MYO7B: variants seen among roughly 807,000 people sequenced by gnomAD.
The protein encoded by MYO7B is myosin VIIB.
A neutral mutation model predicts 259.7 loss-of-function variants in MYO7B; 212 were observed. The observed-to-expected ratio is 0.82, with a 90% CI of 0.73 to 0.91. MYO7B has a LOEUF of 0.91. Among genes scored for constraint, MYO7B ranks in the 40% least tolerant of loss-of-function variants. The pLI is 0.00. For synonymous variants in MYO7B, 1,197 were observed against 1,166.4 expected (o/e 1.03, Z -0.54); for missense variants, 2,732 against 2,813.5 (o/e 0.97, Z 0.66).
intron 6 of MYO7B, among the ~76,000 whole-genome samples, chr2:127,571,554 C>A (rs938690792): frequency 6.6e-6 from 1 of 150,576 alleles, no homozygotes; most frequent in African/African-American, 2.4e-5. Flanking sequence ...GATCTCGGCT[C>A]ACTGCAACCT....
At chr2:127,629,201 G>A (rs1014398250) in intron 34 of MYO7B, among the ~76,000 whole-genome samples, 18 of 152,302 alleles carry the variant, frequency 1.2e-4, no homozygotes, top group East Asian at 3.9e-4. Flanking sequence ...AATGTCAGCC[G>A]AGATGTGCTG....
Position 127,607,506 on chromosome 2 carries a change from G to A in MYO7B, c.2643+82G>A. ...AGGGCAAGAAGGAGTGAGCGGCTGT[G>A]TAGAGAGCTCACCAGAAGCGCTTTG... On this transcript the variant is annotated intron_variant, in intron 21 of 47. Coordinates refer to ENST00000409816, the MANE Select transcript of MYO7B (RefSeq NM_001393586.1). The surrounding 1 kb of genome is among the most constrained non-coding windows in gnomAD (Gnocchi z 4.4). The A allele has an allele frequency of 1.6e-6, 2 of 1,251,932 alleles. No homozygotes were observed. The highest frequency in any genetic ancestry group is 2.2e-6 in the Non-Finnish European group (2 of 900,368). 77.6% of individuals were successfully genotyped at this position (1,251,932 alleles called of 1,614,324 possible). A position where few individuals can be genotyped will look rare whatever the true frequency, so the allele number is the denominator to read the frequency against.
At position 127,607,319 on chromosome 2, in the gene MYO7B, C is replaced by T. The variant is rs754671915; in HGVS notation, c.2538C>T (p.Tyr846=). ...AGCTGCAGGCCCTGTGCAGGGGATACCTGGTGCGCCAGCAAGTCCAGGCCA... is the reference window on the plus strand; with the variant it reads ...AGCTGCAGGCCCTGTGCAGGGGATATCTGGTGCGCCAGCAAGTCCAGGCCA... The part of the protein sequence containing the change: ...TVQLQALCRG[Y]LVRQQVQAKR... The change falls in exon 21 of 48, where the codon TAC becomes TAT. Residue 846 remains tyrosine, a synonymous_variant. Transcript: ENST00000409816. The surrounding 1 kb of genome is among the most constrained non-coding windows in gnomAD (Gnocchi z 4.4). 12 of 1,551,412 alleles carry T rather than the reference C, an allele frequency of 7.7e-6. No individual in the cohort carries two copies. The highest frequency in any genetic ancestry group is 7.8e-6 in the Non-Finnish European group (9 of 1,146,898).
At chr2:127,624,763 G>A (rs933868667) in intron 30 of MYO7B, among the ~76,000 whole-genome samples, 2 of 152,228 alleles carry the variant, frequency 1.3e-5, no homozygotes, top group Non-Finnish European at 2.9e-5. Context: ...CGTGCGGAGT[G>A]TACCGGGAGC....
intron 1 of MYO7B, among the ~76,000 whole-genome samples, chr2:127,538,196 A>G (rs1306466241): frequency 6.6e-6 from 1 of 152,142 alleles, no homozygotes; most frequent in East Asian, 1.9e-4. Context: ...GGTAGCTGCA[A>G]AGATACAGAG....
At chr2:127,588,308 A>G in intron 14 of MYO7B, 84 bp from the exon 15 acceptor site, 1 of 1,495,836 alleles carries the variant, frequency 6.7e-7, no homozygotes, top group Non-Finnish European at 9.1e-7. Flanking sequence ...CGCATCCTGT[A>G]TTCCCCCACA....
rs1288801729 is a variant in MYO7B at position 127,546,801 on chromosome 2, C to T, written c.-24+10970C>T. On this transcript the variant is annotated intron_variant, in intron 1 of 47. Coordinates refer to ENST00000409816, the MANE Select transcript of MYO7B (RefSeq NM_001393586.1). This position sits in a 1 kb window ranked among gnomAD's most constrained non-coding sequence, Gnocchi z 4.2. Reference sequence around the variant, plus strand: ...CCATCCATCCATCCATCCATCCATCCATCAATCCATTCATCTGTTTGTTCA... The same window carrying T: ...CCATCCATCCATCCATCCATCCATCTATCAATCCATTCATCTGTTTGTTCA... 1.3e-5 allele frequency among the ~76,000 whole-genome samples: 2 copies of T among 149,158 alleles called. No individual in the cohort carries two copies. The highest frequency in any genetic ancestry group is 3.0e-5 in the Non-Finnish European group (2 of 66,802).
In MYO7B at chr2:127,564,236, C is replaced by T; in HGVS notation, c.102C>T (p.Gly34=). 6.3e-7 allele frequency: 1 copy of T among 1,579,420 alleles called. No homozygotes were observed. The highest frequency in any genetic ancestry group is 8.6e-7 in the Non-Finnish European group (1 of 1,162,898). The change falls in exon 3 of 48, where the codon GGC becomes GGT. Residue 34 remains glycine (G), a synonymous_variant. Transcript: ENST00000409816. ...GCATCATCAAAGAGGCAAAGCCAGG[C>T]AAAGTCTTGGTTGAAGATGACGAGG... ...IGGIIKEAKP[G]KVLVEDDEGK...
chr2:127,602,607 G>A (rs1308752856), intron 19 of MYO7B, among the ~76,000 whole-genome samples: 5 of 152,126 alleles, frequency 3.3e-5, no homozygotes, highest in Non-Finnish European at 5.9e-5. Context: ...CTCTGATGAC[G>A]CCACTGCACT....
intron 36 of MYO7B, 86 bp downstream of exon 36, chr2:127,630,994 T>C (rs1573723484): frequency 7.1e-7 from 1 of 1,405,644 alleles, no homozygotes; most frequent in Non-Finnish European, 9.6e-7. Flanking sequence ...CCAGCCCCGC[T>C]CCACCTCATT....
At chr2:127,570,803 C>A (rs1025416863) in intron 6 of MYO7B, among the ~76,000 whole-genome samples, 2 of 152,010 alleles carry the variant, frequency 1.3e-5, no homozygotes, top group Non-Finnish European at 2.9e-5. Context: ...TTTCCCCCGC[C>A]CCCCTTCACA....
At chr2:127,561,570 C>A (rs1678087853) in intron 2 of MYO7B, among the ~76,000 whole-genome samples, 1 of 152,144 alleles carries the variant, frequency 6.6e-6, no homozygotes, top group Non-Finnish European at 1.5e-5. Flanking sequence ...TTCAGAGGGC[C>A]CATGTGGTTG....
Position 127,576,527 on chromosome 2 carries a change from G to C in MYO7B, c.736-68G>C. The C allele has an allele frequency of 9.9e-7, 1 of 1,008,492 alleles. No individual in the cohort carries two copies. The highest frequency in any genetic ancestry group is 1.5e-6 in the Non-Finnish European group (1 of 686,604). 62.5% of individuals were successfully genotyped at this position (1,008,492 alleles called of 1,614,324 possible). A position where few individuals can be genotyped will look rare whatever the true frequency, so the allele number is the denominator to read the frequency against. ...GCCAGGGCTGGGCTGGGCAGAGGCA[G>C]TCTGAGGCCCTGAGGCCTCAGGGGA... On this transcript the variant is annotated intron_variant, in intron 7 of 47. Coordinates refer to ENST00000409816, the MANE Select transcript of MYO7B (RefSeq NM_001393586.1). This position sits in a 1 kb window ranked among gnomAD's most constrained non-coding sequence, Gnocchi z 4.9.
rs537801674 is a variant in MYO7B, at chr2:127,623,548, G to C, written c.3819+173G>C. On this transcript the variant is annotated intron_variant, in intron 29 of 47. Coordinates refer to ENST00000409816, the MANE Select transcript of MYO7B (RefSeq NM_001393586.1). ...AGGCACAGGCAGGTGCACACACACA[G>C]AGCAAACAGCCTTTCCTCCCGCACT... Among the ~76,000 whole-genome samples, 60 of 152,226 alleles carry C rather than the reference G, an allele frequency of 3.9e-4. No individual in the cohort carries two copies. In the South Asian group the frequency reaches 4.6e-3, roughly 12 times the overall value.
At chr2:127,633,539 G>A (rs1681634254) in intron 40 of MYO7B, among the ~76,000 whole-genome samples, 176 bp downstream of exon 40, 1 of 152,186 alleles carries the variant, frequency 6.6e-6, no homozygotes, top group African/African-American at 2.4e-5. Context: ...CTGCCCTTGG[G>A]TGCTTTGGAA....
At position 127,636,615 on chromosome 2, in the gene MYO7B, ACC is replaced by A; in HGVS notation, c.6197_6198del (p.Pro2066GlnfsTer46). 6.2e-7 allele frequency: 1 copy of A among 1,611,554 alleles called. No individual in the cohort carries two copies. The highest frequency in any genetic ancestry group is 8.5e-7 in the Non-Finnish European group (1 of 1,178,976). On this transcript the variant is annotated frameshift_variant, in exon 46 of 48. Coordinates refer to ENST00000409816, the MANE Select transcript of MYO7B (RefSeq NM_001393586.1). LOFTEE classifies it high-confidence loss of function. The surrounding 1 kb of genome is among the most constrained non-coding windows in gnomAD (Gnocchi z 4.5). ...AACCGACATGGGGTTCTGCTCATCC[ACC>A]CCAAGACCAAGGTAGCTGCTGGGCC...
chr2:127,543,599 T>A (rs1693093973), intron 1 of MYO7B, among the ~76,000 whole-genome samples: 1 of 152,078 alleles, frequency 6.6e-6, no homozygotes, highest in Non-Finnish European at 1.5e-5. Flanking sequence ...AGTAAAAGTC[T>A]CTTCCCTCCT....
At position 127,573,752 on chromosome 2, in the gene MYO7B, G is replaced by T. The variant is rs567299361; in HGVS notation, c.593-168G>T. On this transcript the variant is annotated intron_variant, in intron 6 of 47. Coordinates refer to ENST00000409816, the MANE Select transcript of MYO7B (RefSeq NM_001393586.1). ...CCTCCGAGGTTTTCCCTGCATTTTT[G>T]TCTTCCTCTTAGCGGGCGCTTGGCT... is the stretch of plus-strand genomic sequence containing the variant. Among the ~76,000 whole-genome samples the T allele has an allele frequency of 4.6e-5, 7 of 152,250 alleles. No homozygotes were observed. The East Asian group carries it at 1.4e-3, about 29-fold the overall frequency.
rs1162092253 is a variant in MYO7B, at chr2:127,629,792, T to G, written c.4772T>G (p.Ile1591Ser). Reference protein sequence around the residue: ...GLVPMACLYTIPTVTKPSAQL... With the variant: ...GLVPMACLYTSPTVTKPSAQL... ...GTGCCCATGGCCTGCCTCTACACCA[T>G]CCCCACGGTCACTAAGCCCTCGGCA... The change falls in exon 35 of 48, where the codon ATC (isoleucine) becomes AGC (serine). Residue 1591 changes from isoleucine (I) to serine (S), a missense_variant. Physicochemically the swap from Ile to Ser is moderately radical, Grantham distance 142 (BLOSUM62 -2). This residue lies in a region of MYO7B where 821 missense variants were observed against 769.3 expected (regional missense o/e 1.07). Transcript: ENST00000409816. 5 of 1,587,730 alleles carry G rather than the reference T, an allele frequency of 3.1e-6. No individual in the cohort carries two copies. Among genetic ancestry groups the G allele is most frequent in the Non-Finnish European group, 4.3e-6 (5 of 1,166,240 alleles).
Sources: gnomAD v4.1 joint callset for allele counts (sites outside exome capture counted in the v4.1 genomes callset) on GRCh38, gnomAD v4.1.1 for gene constraint, gnomAD v4.1.1 regional missense constraint, Gnocchi (gnomAD v3.1) non-coding constraint, MANE v1.5 for transcripts, NCBI Gene and HGNC (gene_info 2026-07-23, HGNC 2026-07-21) for gene names.